The following CYP20A1 variants were observed in gnomAD, a reference collection of about 807,000 sequenced individuals.
The protein encoded by CYP20A1 is cytochrome P450 family 20 subfamily A member 1.
CYP20A1 carries 61 observed loss-of-function variants against 61.4 expected under a neutral mutation model. The ratio of observed to expected loss-of-function variants is 0.99; its 90% CI spans 0.81 to 1.23. The LOEUF (loss-of-function observed/expected upper bound fraction) is 1.23, where lower values mean the gene tolerates loss of function less well. Among genes scored for constraint, CYP20A1 ranks in the 50% most tolerant of loss-of-function variants. The pLI is 0.00. For synonymous variants in CYP20A1, 193 were observed against 188.2 expected, an observed-to-expected ratio of 1.03 and a Z score of -0.21; for missense variants, 530 against 542.4, an observed-to-expected ratio of 0.98 and a Z score of 0.23.
intron 7 of CYP20A1, among the ~76,000 whole-genome samples, chr2:203,279,803 G>A (rs567872480): frequency 4.6e-5 from 7 of 152,186 alleles, no homozygotes; most frequent in South Asian, 2.1e-4. Context: ...TACATGTACC[G>A]AAAATCACTT....
intron 5 of CYP20A1, among the ~76,000 whole-genome samples, chr2:203,272,039 G>A (rs544630817): frequency 6.6e-6 from 1 of 152,198 alleles, no homozygotes; most frequent in African/African-American, 2.4e-5. Flanking sequence ...CGTGGGGGAA[G>A]AAAAAATGAG....
At chr2:203,245,321 C>T (rs770991097) in intron 1 of CYP20A1, among the ~76,000 whole-genome samples, 63 of 149,898 alleles carry the variant, frequency 4.2e-4, no homozygotes, top group African/African-American at 1.4e-3. Flanking sequence ...CCACTGCGCT[C>T]GGCTGAAATC....
chr2:203,243,006 A>G (rs963072207), intron 1 of CYP20A1, among the ~76,000 whole-genome samples: 3 of 152,192 alleles, frequency 2.0e-5, no homozygotes, highest in African/African-American at 4.8e-5. Flanking sequence ...AGCCATACTG[A>G]CTAGTCTCAT....
intron 6 of CYP20A1, among the ~76,000 whole-genome samples, chr2:203,277,252 G>A (rs1360034420): frequency 6.6e-6 from 1 of 151,516 alleles, no homozygotes; most frequent in Non-Finnish European, 1.5e-5. Flanking sequence ...GGAGGCTGAG[G>A]CAGGAGAATC....
At chr2:203,250,894 C>T (rs2066640544) in intron 3 of CYP20A1, among the ~76,000 whole-genome samples, 1 of 151,790 alleles carries the variant, frequency 6.6e-6, no homozygotes, top group African/African-American at 2.4e-5. Flanking sequence ...GAAACCCCAT[C>T]TCCACTAAAA....
intron 4 of CYP20A1, among the ~76,000 whole-genome samples, chr2:203,256,639 G>C (rs1200441090): frequency 6.6e-6 from 1 of 152,076 alleles, no homozygotes; most frequent in Non-Finnish European, 1.5e-5. Context: ...GATTACAGGC[G>C]TGAGCCACCG....
intron 4 of CYP20A1, among the ~76,000 whole-genome samples, chr2:203,258,951 A>G (rs758442407): frequency 6.6e-6 from 1 of 152,124 alleles, no homozygotes; most frequent in Non-Finnish European, 1.5e-5. Context: ...AATTTTGCCC[A>G]TTTCTCTTTG....
rs755976703 is a variant in CYP20A1, at chr2:203,298,699, CAAAA to C, written c.*1804_*1807del. Among the ~76,000 whole-genome samples the C allele has an allele frequency of 3.4e-5, 3 of 88,478 alleles. No individual in the cohort carries two copies. The highest frequency in any genetic ancestry group is 4.7e-5 in the Non-Finnish European group (2 of 42,862). 58.0% of individuals were successfully genotyped at this position (88,478 alleles called of 152,430 possible). A position where few individuals can be genotyped will look rare whatever the true frequency, so the allele number is the denominator to read the frequency against. On this transcript the variant is annotated 3_prime_UTR_variant, in exon 13 of 13. Transcript: ENST00000356079. ...CTGGGTGTCGAGTGAAACTCATTCT[CAAAA>C]AAAAAAAAAAAAGGAGGTGGGGAGA...
chr2:203,258,410 G>A (rs918903696), intron 4 of CYP20A1, among the ~76,000 whole-genome samples: 2 of 144,372 alleles, frequency 1.4e-5, no homozygotes, highest in African/African-American at 5.1e-5. Flanking sequence ...AAAAAAAAAC[G>A]GTTAGTAAAT....
At chr2:203,294,818 A>G (rs1398969925) in intron 11 of CYP20A1, among the ~76,000 whole-genome samples, 1 of 150,708 alleles carries the variant, frequency 6.6e-6, no homozygotes, top group Non-Finnish European at 1.5e-5. Context: ...TGTTTTTAGT[A>G]GAGACGGGGT....
At chr2:203,251,817 A>ATATGTGTATATATATATATAT (rs34111991) in intron 3 of CYP20A1, 150 bp from the exon 4 acceptor site, 1 of 95,290 alleles carries the variant, frequency 1.0e-5, no homozygotes, top group African/African-American at 3.4e-5. Context: ...ATATATATAT[A>ATATGTGTATATATATATATAT]AAAAATAAAA....
intron 10 of CYP20A1, among the ~76,000 whole-genome samples, chr2:203,291,619 T>C (rs2068536223): frequency 6.6e-6 from 1 of 152,186 alleles, no homozygotes; most frequent in South Asian, 2.1e-4. Flanking sequence ...CTGTCAATTA[T>C]ATAGCAAATA....
chr2:203,289,322 T>C (rs2068433641), intron 9 of CYP20A1, among the ~76,000 whole-genome samples: 1 of 152,162 alleles, frequency 6.6e-6, no homozygotes, highest in South Asian at 2.1e-4. Context: ...ATGAAAGATA[T>C]ATTTACTGAA....
chr2:203,271,727 C>T (rs547722712), intron 5 of CYP20A1, among the ~76,000 whole-genome samples: 9 of 152,244 alleles, frequency 5.9e-5, no homozygotes, highest in African/African-American at 1.7e-4. Context: ...TATTTTTACA[C>T]TTATGCCAGT....
intron 5 of CYP20A1, among the ~76,000 whole-genome samples, chr2:203,271,206 G>C (rs2067585227): frequency 6.9e-6 from 1 of 143,896 alleles, no homozygotes; most frequent in African/African-American, 2.6e-5. Flanking sequence ...TTCTGCCTCA[G>C]CCTCCCAAGT....
intron 10 of CYP20A1, 127 bp from the exon 11 acceptor site, chr2:203,292,135 T>C (rs1258653338): frequency 1.9e-6 from 1 of 537,362 alleles, no homozygotes; most frequent in Non-Finnish European, 3.2e-6. Flanking sequence ...TGTGGTTTCT[T>C]GCATTATTTT....
intron 1 of CYP20A1, among the ~76,000 whole-genome samples, chr2:203,242,858 C>T (rs2066303284): frequency 6.6e-6 from 1 of 151,952 alleles, no homozygotes; most frequent in Non-Finnish European, 1.5e-5. Context: ...ACCTTCAATT[C>T]CTTTGCCCTG....
Position 203,300,099 on chromosome 2 carries a change from CAAT to C in CYP20A1, c.*3192_*3194del, listed in dbSNP as rs1189695977. On this transcript the variant is annotated 3_prime_UTR_variant, in exon 13 of 13. Coordinates refer to ENST00000356079, the MANE Select transcript of CYP20A1 (RefSeq NM_177538.3). ...TTTAAAGCAAGTGAGATATGATAAA[CAAT>C]GATGAAAGCAAAAATAGGGCAGTTG... Among the ~76,000 whole-genome samples the C allele has an allele frequency of 2.6e-5, 4 of 151,996 alleles. No individual in the cohort carries two copies. Among genetic ancestry groups the C allele is most frequent in the Non-Finnish European group, 5.9e-5 (4 of 68,016 alleles).
rs1371413504 is a variant in CYP20A1, at chr2:203,305,733, A to G, written c.*8825A>G. The stretch of plus-strand genomic sequence containing the variant: ...CATTGTAACTATGTCATAAAGTCAT[A>G]AAGTACCTGTCCCCAAAAAGGCAAC... On this transcript the variant is annotated 3_prime_UTR_variant, in exon 13 of 13. Transcript: ENST00000356079. The G allele has an allele frequency of 6.6e-6, 1 of 152,228 alleles. No individual in the cohort carries two copies. Among genetic ancestry groups the G allele is most frequent in the South Asian group, 2.1e-4 (1 of 4,836 alleles). 9.4% of individuals were successfully genotyped at this position (152,228 alleles called of 1,614,324 possible). A position where few individuals can be genotyped will look rare whatever the true frequency, so the allele number is the denominator to read the frequency against.
Sources: gnomAD v4.1 joint callset for allele counts (sites outside exome capture counted in the v4.1 genomes callset) on GRCh38, gnomAD v4.1.1 for gene constraint, MANE v1.5 for transcripts, NCBI Gene and HGNC (gene_info 2026-07-23, HGNC 2026-07-21) for gene names.